The following ASIC2 variants were observed in gnomAD, a reference collection of about 807,000 sequenced individuals.
The protein encoded by ASIC2 is acid sensing ion channel subunit 2, also known as acid-sensing ion channel 2.
A neutral mutation model predicts 57.3 loss-of-function variants in ASIC2; 25 were observed. The observed-to-expected ratio is 0.44, with a 90% CI of 0.32 to 0.61. The LOEUF (loss-of-function observed/expected upper bound fraction) is 0.61, where lower values mean the gene tolerates loss of function less well. Among genes scored for constraint, ASIC2 ranks in the 20% least tolerant of loss-of-function variants. The pLI is 0.06. For synonymous variants in ASIC2, 319 were observed against 307.5 expected, an observed-to-expected ratio of 1.04 and a Z score of -0.39; for missense variants, 641 against 738.1, an observed-to-expected ratio of 0.87 and a Z score of 1.52.
At chr17:33,860,937 GTC>G (rs1914085415) in intron 1 of ASIC2, among the ~76,000 whole-genome samples, 1 of 152,198 alleles carries the variant, frequency 6.6e-6, no homozygotes, top group East Asian at 1.9e-4. Context: ...AGCAGCCTTG[GTC>G]ACTGAGGATC....
intron 1 of ASIC2, among the ~76,000 whole-genome samples, chr17:33,166,591 C>A (rs319770): frequency 0.42 from 63,558 of 151,978 alleles, 15,125 homozygotes; most frequent in Non-Finnish European, 0.55. Context: ...TACCACAGGA[C>A]CCCTGGGTGA....
chr17:33,067,195 G>A (rs2092047151), intron 3 of ASIC2, among the ~76,000 whole-genome samples: 1 of 152,188 alleles, frequency 6.6e-6, no homozygotes, highest in Non-Finnish European at 1.5e-5. Context: ...GGCAAGGGTT[G>A]AAAGATGGGG....
Position 33,515,055 on chromosome 17 carries a change from A to C in ASIC2, c.556-402988T>G, listed in dbSNP as rs190943078. 1.2e-3 allele frequency among the ~76,000 whole-genome samples: 182 copies of C among 152,326 alleles called. 2 individuals carry two copies. Among genetic ancestry groups the C allele is most frequent in the African/African-American group, 4.2e-3 (173 of 41,572 alleles). ...ATGTGCCCAGCCTGTCATAGGTGCC[A>C]GTAAGTATTTAGTGAATAAAGGAGT... On this transcript the variant is annotated intron_variant, in intron 1 of 9. Coordinates refer to the ASIC2 transcript ENST00000359872.
intron 1 of ASIC2, among the ~76,000 whole-genome samples, chr17:33,564,735 G>A (rs1916179905): frequency 6.6e-6 from 1 of 152,178 alleles, no homozygotes; most frequent in Non-Finnish European, 1.5e-5. Flanking sequence ...ACTGTAACAT[G>A]TTCATAATGG....
In ASIC2 at chr17:33,656,495, T is replaced by C. The variant is rs1907080125; in HGVS notation, c.555+499483A>G. ...AGAACTCAAAGCATGTCTGCCAGGGTCCCCCTCAGCAAGTCTGAAGTATGC... is the reference window on the plus strand; with the variant it reads ...AGAACTCAAAGCATGTCTGCCAGGGCCCCCCTCAGCAAGTCTGAAGTATGC... On this transcript the variant is annotated intron_variant, in intron 1 of 9. Transcript: ENST00000359872. Among the ~76,000 whole-genome samples, 5 of 152,090 alleles carry C rather than the reference T, an allele frequency of 3.3e-5. No individual in the cohort carries two copies. The South Asian group carries it at 1.0e-3, about 32-fold the overall frequency.
At chr17:33,047,178 T>C (rs2091958878) in intron 3 of ASIC2, among the ~76,000 whole-genome samples, 1 of 152,244 alleles carries the variant, frequency 6.6e-6, no homozygotes, top group African/African-American at 2.4e-5. Flanking sequence ...TATGGGATTC[T>C]GCCAGGGTGA....
intron 1 of ASIC2, among the ~76,000 whole-genome samples, chr17:33,698,904 C>T (rs906395719): frequency 5.9e-5 from 9 of 152,044 alleles, no homozygotes; most frequent in East Asian, 1.9e-4. Context: ...GGTGAGAAAA[C>T]GCAGATGCCC....
intron 1 of ASIC2, among the ~76,000 whole-genome samples, chr17:33,655,454 C>G (rs1442265776): frequency 6.6e-6 from 1 of 152,250 alleles, no homozygotes; most frequent in African/African-American, 2.4e-5. Flanking sequence ...TGCATTCCTT[C>G]TAGCTGCCAT....
At chr17:33,641,718 C>A (rs1289992996) in intron 1 of ASIC2, among the ~76,000 whole-genome samples, 2 of 152,202 alleles carry the variant, frequency 1.3e-5, no homozygotes, top group African/African-American at 4.8e-5. Flanking sequence ...AAAACCTCAC[C>A]TCCTTCTGGT....
At chr17:33,529,851 T>C (rs1281861950) in intron 1 of ASIC2, 3 of 152,198 alleles carry the variant, frequency 2.0e-5, no homozygotes, top group African/African-American at 7.2e-5. Flanking sequence ...TGTGGGCTAT[T>C]CTTATTTCCT....
chr17:33,189,809 T>C (rs982020462), intron 1 of ASIC2, among the ~76,000 whole-genome samples: 18 of 152,168 alleles, frequency 1.2e-4, no homozygotes, highest in African/African-American at 3.6e-4. Context: ...AAGCAAAAGC[T>C]GATAAACTAC....
At chr17:33,469,399 A>T (rs1349418154) in intron 1 of ASIC2, among the ~76,000 whole-genome samples, 1 of 152,198 alleles carries the variant, frequency 6.6e-6, no homozygotes, top group Non-Finnish European at 1.5e-5. Context: ...AAGGCCCTGC[A>T]GGTTCCACAG....
intron 1 of ASIC2, among the ~76,000 whole-genome samples, chr17:33,543,386 A>G (rs1915483838): frequency 6.6e-6 from 1 of 152,174 alleles, no homozygotes; most frequent in Admixed American, 6.5e-5. Flanking sequence ...ATGCAAAATA[A>G]CTTTCACCCA....
intron 2 of ASIC2, among the ~76,000 whole-genome samples, chr17:33,092,300 G>T (rs1372326566): frequency 2.0e-5 from 3 of 152,244 alleles, no homozygotes; most frequent in African/African-American, 7.2e-5. Flanking sequence ...CAGGTTGGTA[G>T]TGAAGAGCAG....
At chr17:33,494,266 G>A (rs559913496) in intron 1 of ASIC2, among the ~76,000 whole-genome samples, 1 of 152,316 alleles carries the variant, frequency 6.6e-6, no homozygotes, top group South Asian at 2.1e-4. Context: ...CTTTTCTCAT[G>A]CTTTTCTTTG....
intron 1 of ASIC2, among the ~76,000 whole-genome samples, chr17:33,594,480 A>G (rs1374651108): frequency 1.3e-5 from 2 of 152,236 alleles, no homozygotes; most frequent in Admixed American, 6.5e-5. Context: ...TACAAAGCAC[A>G]TTTATGCTCA....
chr17:34,109,535 C>T (rs1473373918), intron 1 of ASIC2, among the ~76,000 whole-genome samples: 1 of 152,110 alleles, frequency 6.6e-6, no homozygotes, highest in Non-Finnish European at 1.5e-5. Context: ...AAAAAAAATG[C>T]AGTTTTGCCA....
At chr17:34,086,294 G>A (rs1401070556) in intron 1 of ASIC2, among the ~76,000 whole-genome samples, 4 of 152,172 alleles carry the variant, frequency 2.6e-5, no homozygotes, top group South Asian at 2.1e-4. Context: ...ATTTCATTAT[G>A]TACCAAGTAG....
rs979909926 is a variant in ASIC2 at position 33,013,234 on chromosome 17, C to T, written c.*731G>A. 4 of 152,306 alleles carry T rather than the reference C, an allele frequency of 2.6e-5. No homozygotes were observed. Among genetic ancestry groups the T allele is most frequent in the South Asian group, 2.1e-4 (1 of 4,836 alleles). The allele number at this position is 152,306 out of a possible 1,614,324, so 9.4% of individuals were successfully genotyped here. On this transcript the variant is annotated 3_prime_UTR_variant, in exon 10 of 10. Transcript: ENST00000225823. ...GAAGCAAAACAAAACAAATCTCCAT[C>T]GGACAAACATAAAAGCCCCCCTACC...
Sources: gnomAD v4.1 joint callset for allele counts (sites outside exome capture counted in the v4.1 genomes callset) on GRCh38, gnomAD v4.1.1 for gene constraint, MANE v1.5 for transcripts, NCBI Gene and HGNC (gene_info 2026-07-23, HGNC 2026-07-21) for gene names.